SHOC2: variants seen among roughly 807,000 people sequenced by gnomAD.
SHOC2 encodes leucine-rich repeat protein SHOC-2.
A neutral mutation model predicts 50.2 loss-of-function variants in SHOC2; 4 were observed. The observed-to-expected ratio is 0.08, with a 90% CI of 0.04 to 0.18. SHOC2 has a LOEUF of 0.18. Ranked by LOEUF, SHOC2 falls within the 10% of genes least tolerant of loss-of-function variation. The probability of loss-of-function intolerance (pLI) is 1.00; values close to 1 mark genes in which losing one functional copy is unlikely to be tolerated. For synonymous variants in SHOC2, 218 were observed against 244.5 expected (o/e 0.89, Z 1.01); for missense variants, 388 against 669.6 (o/e 0.58, Z 4.64).
intron 1 of SHOC2, among the ~76,000 whole-genome samples, chr10:110,943,115 G>A (rs530422915): frequency 6.6e-6 from 1 of 152,250 alleles, no homozygotes; most frequent in South Asian, 2.1e-4. Context: ...TAGATGTATA[G>A]ATTGATGCTT....
intron 2 of SHOC2, 81 bp downstream of exon 2, chr10:110,965,142 C>G: frequency 8.2e-7 from 1 of 1,218,366 alleles, no homozygotes; most frequent in Non-Finnish European, 1.2e-6. Flanking sequence ...CAAAAAATGC[C>G]TGATACTTGC....
chr10:111,011,311 T>C (rs1389092259), intron 8 of SHOC2, among the ~76,000 whole-genome samples: 1 of 152,196 alleles, frequency 6.6e-6, no homozygotes, highest in Non-Finnish European at 1.5e-5. Context: ...TCTCTGGAGA[T>C]GGGGCATATG....
chr10:110,954,742 A>G (rs1847424995), intron 1 of SHOC2, among the ~76,000 whole-genome samples: 1 of 152,196 alleles, frequency 6.6e-6, no homozygotes, highest in Admixed American at 6.5e-5. Context: ...ATGGTCAGAG[A>G]AGGCTTTATT....
intron 2 of SHOC2, among the ~76,000 whole-genome samples, chr10:110,981,588 A>G (rs1370406590): frequency 6.6e-6 from 1 of 152,232 alleles, no homozygotes; most frequent in Admixed American, 6.5e-5. Flanking sequence ...AAGTTTTTAT[A>G]GAAGATTTTT....
At chr10:110,975,750 C>T (rs1847866399) in intron 2 of SHOC2, among the ~76,000 whole-genome samples, 1 of 152,056 alleles carries the variant, frequency 6.6e-6, no homozygotes, top group Non-Finnish European at 1.5e-5. Flanking sequence ...GTTAATGCTT[C>T]TCCACAGCTT....
chr10:111,007,435 T>G (rs1414696987), intron 5 of SHOC2, 96 bp from the exon 6 acceptor site: 1 of 1,357,970 alleles, frequency 7.4e-7, no homozygotes, highest in African/African-American at 1.4e-5. Context: ...GGAATAAGAT[T>G]TTGTTTAATT....
At chr10:111,007,015 CCT>C (rs1848480994) in intron 5 of SHOC2, among the ~76,000 whole-genome samples, 1 of 151,942 alleles carries the variant, frequency 6.6e-6, no homozygotes, top group Non-Finnish European at 1.5e-5. Context: ...ATGGTAAATA[CCT>C]GATTAGTGTT....
rs1847389338 is a variant in SHOC2, at chr10:110,953,132, G to A, written c.-234-10993G>A. 2.0e-5 allele frequency among the ~76,000 whole-genome samples: 3 copies of A among 152,298 alleles called. No homozygotes were observed. The South Asian group carries it at 6.2e-4, about 32-fold the overall frequency. On this transcript the variant is annotated intron_variant, in intron 1 of 8. Coordinates refer to ENST00000369452, the MANE Select transcript of SHOC2 (RefSeq NM_007373.4). ...GTATTTCTGGTTCTAGATCCTTGAG[G>A]AATCGCCACACTGTCTTCCCCAATG...
chr10:110,966,141 A>G (rs1166313802), intron 2 of SHOC2, among the ~76,000 whole-genome samples: 1 of 152,136 alleles, frequency 6.6e-6, no homozygotes, highest in Non-Finnish European at 1.5e-5. Flanking sequence ...TAGCTTTGAA[A>G]AAAGATGTGG....
chr10:110,983,593 G>A (rs1848024389), intron 2 of SHOC2, among the ~76,000 whole-genome samples: 1 of 152,062 alleles, frequency 6.6e-6, no homozygotes, highest in African/African-American at 2.4e-5. Context: ...ACATTGCTGT[G>A]CAACGATTAC....
Position 110,941,247 on chromosome 10 carries a change from A to T in SHOC2, c.-235+21590A>T, listed in dbSNP as rs1206309113. Among the ~76,000 whole-genome samples, 5 of 151,906 alleles carry T rather than the reference A, an allele frequency of 3.3e-5. No individual in the cohort carries two copies. In the South Asian group the frequency reaches 8.3e-4, roughly 25 times the overall value. On this transcript the variant is annotated intron_variant, in intron 1 of 8. Transcript: ENST00000369452. ...ATGATACTGAACATCTTATTTGAAC[A>T]TACTTGTTTTCTGTATCTCTTCTTC...
chr10:111,011,712 T>C lies in SHOC2; in HGVS notation c.1643T>C (p.Ile548Thr), dbSNP rs746989791. 2 of 1,614,028 alleles carry C rather than the reference T, an allele frequency of 1.2e-6. No homozygotes were observed. The highest frequency in any genetic ancestry group is 1.7e-5 in the Admixed American group (1 of 60,000). ...TGCAGCAAGCTTTCAATCATGAGTA[T>C]TGAGAACTGTCCACTCAGTCACCTT... ...ALCSKLSIMS[I>T]ENCPLSHLPP... Residue 548 changes from isoleucine (I) to threonine (T), a missense_variant, in exon 9 of 9, where the codon ATT becomes ACT. Ile to Thr is a moderately conservative substitution (Grantham distance 89, BLOSUM62 -1). This residue lies in a region of SHOC2 where 130 missense variants were observed against 208.6 expected (regional missense o/e 0.62). Coordinates refer to ENST00000369452, the MANE Select transcript of SHOC2 (RefSeq NM_007373.4).
intron 4 of SHOC2, among the ~76,000 whole-genome samples, chr10:111,002,286 T>G (rs1187278648): frequency 6.6e-6 from 1 of 152,140 alleles, no homozygotes; most frequent in Non-Finnish European, 1.5e-5. Flanking sequence ...AAATGTGAAA[T>G]TATCCGCATT....
chr10:110,975,121 C>T (rs1441951280), intron 2 of SHOC2, among the ~76,000 whole-genome samples: 1 of 151,698 alleles, frequency 6.6e-6, no homozygotes, highest in African/African-American at 2.4e-5. Flanking sequence ...TCAGTTTTTC[C>T]ACTAACGTCC....
At chr10:110,954,771 G>A (rs777331755) in intron 1 of SHOC2, among the ~76,000 whole-genome samples, 8 of 152,276 alleles carry the variant, frequency 5.3e-5, no homozygotes, top group African/African-American at 7.2e-5. Flanking sequence ...GAAGCTTGAG[G>A]TGAGTCCTAA....
At chr10:110,919,528 C>CG, upstream of SHOC2, 1 of 78,630 alleles carries the variant, frequency 1.3e-5, no homozygotes, top group East Asian at 1.5e-4. Flanking sequence ...AGTGGCGGGG[C>CG]GGGCGGGGCG....
intron 3 of SHOC2, 78 bp downstream of exon 3, chr10:110,985,843 G>A: frequency 7.8e-7 from 1 of 1,275,450 alleles, no homozygotes; most frequent in Non-Finnish European, 1.1e-6. Flanking sequence ...GATCCATTTG[G>A]TAATGAAAAT....
intron 1 of SHOC2, among the ~76,000 whole-genome samples, chr10:110,946,326 G>T (rs1206516060): frequency 6.7e-6 from 1 of 149,576 alleles, no homozygotes; most frequent in East Asian, 1.9e-4. Context: ...ACATTAATTT[G>T]TTGTTTTATT....
intron 1 of SHOC2, among the ~76,000 whole-genome samples, chr10:110,962,895 A>G (rs984826925): frequency 6.6e-6 from 1 of 152,222 alleles, no homozygotes; most frequent in East Asian, 1.9e-4. Context: ...TGAGGATTTA[A>G]TAATATGCTG....
Sources: allele counts gnomAD v4.1 joint callset (sites outside exome capture counted in the v4.1 genomes callset), GRCh38; gene constraint gnomAD v4.1.1; regional missense constraint gnomAD v4.1.1; transcripts MANE v1.5; gene names NCBI Gene and HGNC (gene_info 2026-07-23, HGNC 2026-07-21).